Variants in HEMK2 observed in about 807,000 individuals in gnomAD.
The protein encoded by HEMK2 is methyltransferase HEMK2.
the HEMK2 span, among the ~76,000 whole-genome samples, chr21:28,593,035 A>T: frequency 2.6e-5 from 4 of 152,174 alleles, no homozygotes; most frequent in Non-Finnish European, 4.4e-5. Flanking sequence ...AAAAATTATT[A>T]AAAATATTAT....
At chr21:28,848,655 A>G in the HEMK2 span, among the ~76,000 whole-genome samples, 5 of 151,680 alleles carry the variant, frequency 3.3e-5, no homozygotes, top group African/African-American at 9.7e-5. Flanking sequence ...TTTCTTTCAA[A>G]CTCCTTTAGG....
chr21:28,650,222 C>G, the HEMK2 span, among the ~76,000 whole-genome samples: 7 of 152,254 alleles, frequency 4.6e-5, no homozygotes, highest in Non-Finnish European at 8.8e-5. Context: ...TAGTGAAACC[C>G]CGTCTCTACT....
chr21:28,721,692 C>T, the HEMK2 span, among the ~76,000 whole-genome samples: 4 of 152,266 alleles, frequency 2.6e-5, no homozygotes, highest in East Asian at 7.7e-4. Flanking sequence ...GAGCCAGGCA[C>T]TGTTCTAAGT....
the HEMK2 span, among the ~76,000 whole-genome samples, chr21:28,866,175 A>AAAAAAAAAAAAAC: frequency 1.8e-3 from 139 of 76,200 alleles, 38 homozygotes; most frequent in Non-Finnish European, 2.0e-3. Context: ...CAAAAAAAAA[A>AAAAAAAAAAAAAC]ACACACACAC....
At chr21:28,734,832 T>C in the HEMK2 span, among the ~76,000 whole-genome samples, 1 of 152,242 alleles carries the variant, frequency 6.6e-6, no homozygotes, top group African/African-American at 2.4e-5. Flanking sequence ...CAATGAGATA[T>C]TGCTCTGTAA....
the HEMK2 span, among the ~76,000 whole-genome samples, chr21:28,844,430 G>T: frequency 2.0e-5 from 3 of 151,860 alleles, no homozygotes; most frequent in African/African-American, 4.8e-5. Context: ...TCTATATCTT[G>T]TCTCCTCAAA....
At chr21:28,635,018 G>C in the HEMK2 span, among the ~76,000 whole-genome samples, 3 of 151,826 alleles carry the variant, frequency 2.0e-5, no homozygotes, top group Admixed American at 2.0e-4. Flanking sequence ...TTATCACGCA[G>C]GTAAATGCTA....
chr21:28,610,765 A>G, the HEMK2 span, among the ~76,000 whole-genome samples: 13 of 152,330 alleles, frequency 8.5e-5, no homozygotes, highest in African/African-American at 3.1e-4. Context: ...ATCAGGCGAA[A>G]CAAACTTTAA....
At chr21:28,598,083 C>T in the HEMK2 span, among the ~76,000 whole-genome samples, 5 of 152,138 alleles carry the variant, frequency 3.3e-5, no homozygotes, top group Non-Finnish European at 7.4e-5. Flanking sequence ...GAGATGAATG[C>T]TAACTCACAG....
At chr21:28,609,520 C>T in the HEMK2 span, among the ~76,000 whole-genome samples, 1 of 148,726 alleles carries the variant, frequency 6.7e-6, no homozygotes, top group East Asian at 2.0e-4. Flanking sequence ...ATCACACTAG[C>T]TCACCAGCAA....
At chr21:28,719,641 C>T in the HEMK2 span, among the ~76,000 whole-genome samples, 3 of 152,182 alleles carry the variant, frequency 2.0e-5, no homozygotes, top group African/African-American at 7.2e-5. Context: ...CTCTATGATA[C>T]ACTCACTTGG....
At chr21:28,838,972 A>ATATATATATATAT in the HEMK2 span, among the ~76,000 whole-genome samples, 7 of 29,146 alleles carry the variant, frequency 2.4e-4, no homozygotes, top group Non-Finnish European at 3.4e-4. Flanking sequence ...AAAAAAAAAA[A>ATATATATATATAT]ATATATATAT....
chr21:28,767,727 C>T, the HEMK2 span, among the ~76,000 whole-genome samples: 1 of 152,196 alleles, frequency 6.6e-6, no homozygotes, highest in African/African-American at 2.4e-5. Flanking sequence ...TAACACATAA[C>T]AGTTGATGTG....
chr21:28,702,155 C>A, the HEMK2 span, among the ~76,000 whole-genome samples: 2 of 152,040 alleles, frequency 1.3e-5, no homozygotes, highest in Admixed American at 6.6e-5. Context: ...TGGACCCCTG[C>A]CTATTACCAT....
the HEMK2 span, among the ~76,000 whole-genome samples, chr21:28,871,993 T>C: frequency 2.0e-5 from 3 of 152,200 alleles, no homozygotes; most frequent in South Asian, 2.1e-4. Context: ...TTAACTTGAT[T>C]ACATCTGCAA....
At chr21:28,716,031 T>C in the HEMK2 span, among the ~76,000 whole-genome samples, 1 of 152,244 alleles carries the variant, frequency 6.6e-6, no homozygotes, top group South Asian at 2.1e-4. Context: ...CCATGCTGTT[T>C]TGGTTACCAT....
the HEMK2 span, among the ~76,000 whole-genome samples, chr21:28,765,617 T>A: frequency 6.6e-6 from 1 of 152,084 alleles, no homozygotes; most frequent in Non-Finnish European, 1.5e-5. Context: ...GGCTACCAAA[T>A]CAGCCAAAAA....
the HEMK2 span, among the ~76,000 whole-genome samples, chr21:28,816,107 C>T: frequency 6.6e-6 from 1 of 152,174 alleles, no homozygotes; most frequent in Admixed American, 6.5e-5. Flanking sequence ...GAAGAGAGGC[C>T]TCAGAGGAAA....
the HEMK2 span, among the ~76,000 whole-genome samples, chr21:28,746,248 T>C: frequency 1.1e-4 from 16 of 152,372 alleles, no homozygotes; most frequent in Middle Eastern, 0.01. Context: ...GGCAGTATTC[T>C]GTATACTTCA....
Sources: gnomAD v4.1 joint callset for allele counts (sites outside exome capture counted in the v4.1 genomes callset) on GRCh38, gnomAD v4.1.1 for gene constraint, MANE v1.5 for transcripts, NCBI Gene and HGNC (gene_info 2026-07-23, HGNC 2026-07-21) for gene names.